NHSL1: variants seen among roughly 807,000 people sequenced by gnomAD.
The protein encoded by NHSL1 is NHS-like protein 1.
NHSL1 carries 48 observed loss-of-function variants against 95.0 expected under a neutral mutation model. The ratio of observed to expected loss-of-function variants is 0.51; its 90% CI spans 0.40 to 0.64. NHSL1 has a LOEUF of 0.64. Among genes scored for constraint, NHSL1 ranks in the 30% least tolerant of loss-of-function variants. The probability of loss-of-function intolerance (pLI) is 0.00; values close to 1 mark genes in which losing one functional copy is unlikely to be tolerated. For synonymous variants in NHSL1, 783 were observed against 833.9 expected (o/e 0.94, Z 1.05); for missense variants, 1,971 against 2,077.7 (o/e 0.95, Z 1.00).
Position 138,423,103 on chromosome 6 carries a change from A to AC in NHSL1, c.*977_*978insG, listed in dbSNP as rs1775017532. Reference sequence around the variant, plus strand: ...AAGTTTAAACTCTGGTTAAAAAAAAAAAAAAAAAAAAACTGTTGTAAAAGG... The same window carrying AC: ...AAGTTTAAACTCTGGTTAAAAAAAAACAAAAAAAAAAAACTGTTGTAAAAGG... On this transcript the variant is annotated 3_prime_UTR_variant, in exon 8 of 8. Coordinates refer to ENST00000343505, the MANE Select transcript of NHSL1 (RefSeq NM_001144060.2). 1 of 151,584 alleles carries AC rather than the reference A, an allele frequency of 6.6e-6. No homozygotes were observed. The highest frequency in any genetic ancestry group is 2.1e-4 in the South Asian group (1 of 4,814). The allele number at this position is 151,584 out of a possible 1,614,324, so 9.4% of individuals were successfully genotyped here. A position where few individuals can be genotyped will look rare whatever the true frequency, so the allele number is the denominator to read the frequency against.
chr6:138,553,414 C>T (rs911474525), intron 1 of NHSL1, among the ~76,000 whole-genome samples: 7 of 152,200 alleles, frequency 4.6e-5, no homozygotes, highest in African/African-American at 7.2e-5. Context: ...ACTTCATTCA[C>T]GTGGCTGGCA....
At chr6:138,656,733 G>T (rs1394661686) in intron 1 of NHSL1, among the ~76,000 whole-genome samples, 2 of 152,152 alleles carry the variant, frequency 1.3e-5, no homozygotes, top group African/African-American at 2.4e-5. Context: ...CCTGCCTCGG[G>T]TTTCTTAATA....
At chr6:138,674,094 A>G (rs1173120786) in intron 1 of NHSL1, among the ~76,000 whole-genome samples, 1 of 152,282 alleles carries the variant, frequency 6.6e-6, no homozygotes, top group African/African-American at 2.4e-5. Context: ...AAAACTACAT[A>G]TACATGAAAA....
chr6:138,656,368 G>A (rs1383630067), intron 1 of NHSL1, among the ~76,000 whole-genome samples: 2 of 152,076 alleles, frequency 1.3e-5, no homozygotes, highest in African/African-American at 2.4e-5. Flanking sequence ...GATTTTTCAG[G>A]TGCCTCGGTA....
rs116025683 is a variant in NHSL1, at chr6:138,612,715, C to T, written c.96+79761G>A. ...ACACACTGCCCTCTCAATCATCTTC[C>T]CTTTTAACTAACCTGACACAGTAGC... is the stretch of plus-strand genomic sequence containing the variant. On this transcript the variant is annotated intron_variant, in intron 1 of 3. Transcript: ENST00000491526. Among the ~76,000 whole-genome samples the T allele has an allele frequency of 9.9e-3, 1,504 of 152,278 alleles. 28 individuals carry two copies. The highest frequency in any genetic ancestry group is 0.033 in the African/African-American group (1,390 of 41,552).
chr6:138,453,237 G>C (rs1777357453), intron 3 of NHSL1, among the ~76,000 whole-genome samples: 1 of 152,176 alleles, frequency 6.6e-6, no homozygotes, highest in South Asian at 2.1e-4. Flanking sequence ...AGCCTCCAAA[G>C]TGTTGGGATT....
chr6:138,545,322 TTGA>T lies in NHSL1; in HGVS notation c.16+298_16+300del, dbSNP rs1314589829. On this transcript the variant is annotated intron_variant, in intron 1 of 4. Transcript: ENST00000342260. The stretch of plus-strand genomic sequence containing the variant: ...GTAAACTATTCCTATATTTATTGAG[TTGA>T]TTTTAAAAACCTTCTTTTAAACTTT... Among the ~76,000 whole-genome samples, 50 of 152,276 alleles carry T rather than the reference TTGA, an allele frequency of 3.3e-4. 2 individuals are homozygous for T. Among genetic ancestry groups the T allele is most frequent in the African/African-American group, 1.1e-3 (46 of 41,548 alleles).
chr6:138,548,264 G>A (rs138041876), upstream of NHSL1, among the ~76,000 whole-genome samples: 177 of 152,266 alleles, frequency 1.2e-3, no homozygotes, highest in African/African-American at 4.0e-3. Flanking sequence ...GATTACAGGC[G>A]TGAGCCACTG....
At position 138,431,510 on chromosome 6, in the gene NHSL1, G is replaced by A. The variant is rs576710540; in HGVS notation, c.2835C>T (p.Asp945=). 102 of 1,550,948 alleles carry A rather than the reference G, an allele frequency of 6.6e-5. No individual in the cohort carries two copies. Among genetic ancestry groups the A allele is most frequent in the Non-Finnish European group, 8.7e-5 (100 of 1,146,680 alleles). The part of the protein sequence containing the change: ...VPSPPFPCPA[D]RSPFLPPPPP... ...GTGGGGGAGGAAGGAAAGGAGACCT[G>A]TCTGCAGGACAAGGGAATGGAGGAG... is the stretch of plus-strand genomic sequence containing the variant. Residue 945 remains aspartate, a synonymous_variant, in exon 6 of 8, where the codon GAC becomes GAT. Coordinates refer to ENST00000343505, the MANE Select transcript of NHSL1 (RefSeq NM_001144060.2). This position sits in a 1 kb window ranked among gnomAD's most constrained non-coding sequence, Gnocchi z 4.0.
intron 1 of NHSL1, among the ~76,000 whole-genome samples, chr6:138,541,299 G>A (rs569632670): frequency 6.6e-6 from 1 of 152,202 alleles, no homozygotes; most frequent in Admixed American, 6.5e-5. Flanking sequence ...CCCAGGAGGC[G>A]GAGGTTGCAG....
At chr6:138,599,443 C>CT (rs1256139530) in intron 1 of NHSL1, among the ~76,000 whole-genome samples, 9 of 152,066 alleles carry the variant, frequency 5.9e-5, no homozygotes, top group Admixed American at 4.6e-4. Context: ...ATGCAGGAGA[C>CT]TGAGGCTGCA....
chr6:138,556,391 T>C (rs1449614867), intron 1 of NHSL1, among the ~76,000 whole-genome samples: 1 of 152,164 alleles, frequency 6.6e-6, no homozygotes, highest in African/African-American at 2.4e-5. Context: ...ACAATGCTTC[T>C]GTCATTGTTA....
upstream of NHSL1, among the ~76,000 whole-genome samples, chr6:138,503,323 C>A (rs1780785809): frequency 6.6e-6 from 1 of 152,134 alleles, no homozygotes; most frequent in Non-Finnish European, 1.5e-5. Flanking sequence ...AGTCCTTAAG[C>A]CTTTGTCCTA....
chr6:138,442,090 C>G lies in NHSL1; in HGVS notation c.557G>C (p.Ser186Thr), dbSNP rs1004299496. ...ITGENFDRQA[S>T]LRRSLIYTDT... Reference sequence around the variant, plus strand: ...TGTGTAAATTAGAGACCGCCGAAGGCTGGCCTGGCGATCGAAATTCTCCCC... The same window carrying G: ...TGTGTAAATTAGAGACCGCCGAAGGGTGGCCTGGCGATCGAAATTCTCCCC... The change falls in exon 5 of 8, where the codon AGC (serine) becomes ACC (threonine). Residue 186 changes from serine (S) to threonine (T), a missense_variant. Ser to Thr is a moderately conservative substitution (Grantham distance 58, BLOSUM62 1). Coordinates refer to ENST00000343505, the MANE Select transcript of NHSL1 (RefSeq NM_001144060.2). 1 of 1,550,224 alleles carries G rather than the reference C, an allele frequency of 6.5e-7. No individual in the cohort carries two copies. The highest frequency in any genetic ancestry group is 8.7e-7 in the Non-Finnish European group (1 of 1,146,560).
Position 138,490,851 on chromosome 6 carries a change from A to C in NHSL1, c.211+5368T>G, listed in dbSNP as rs12661058. ...GTTTCACCATGTTGGCCAGGATGGT[A>C]TCTATCTCCTGACCTCGTGATCCGC... On this transcript the variant is annotated intron_variant, in intron 2 of 7. Transcript: ENST00000343505. Among the ~76,000 whole-genome samples, 1,511 of 152,180 alleles carry C rather than the reference A, an allele frequency of 9.9e-3. 16 individuals carry two copies. The highest frequency in any genetic ancestry group is 0.037 in the East Asian group (191 of 5,172).
At chr6:138,454,204 C>T (rs4896358) in intron 3 of NHSL1, among the ~76,000 whole-genome samples, 49,834 of 151,532 alleles carry the variant, frequency 0.33, 10,474 homozygotes, top group African/African-American at 0.58. Flanking sequence ...TGTGTGTGTG[C>T]GTGCGTGCAT....
chr6:138,582,953 G>A (rs1211353449), intron 1 of NHSL1, among the ~76,000 whole-genome samples: 13 of 152,224 alleles, frequency 8.5e-5, no homozygotes, highest in Non-Finnish European at 1.8e-4. Context: ...GCTTAAAGCA[G>A]TCATCAGTTA....
chr6:138,653,321 C>T (rs1471825631), intron 1 of NHSL1, among the ~76,000 whole-genome samples: 1 of 151,992 alleles, frequency 6.6e-6, no homozygotes. Flanking sequence ...TTTGGGAGGC[C>T]GAGGAGGGTG....
intron 1 of NHSL1, among the ~76,000 whole-genome samples, chr6:138,639,985 T>C (rs1221895496): frequency 1.3e-5 from 2 of 151,584 alleles, no homozygotes; most frequent in Admixed American, 6.6e-5. Flanking sequence ...ATTCTCATCA[T>C]CGTATTGCAC....
Sources: allele counts gnomAD v4.1 joint callset (sites outside exome capture counted in the v4.1 genomes callset), GRCh38; gene constraint gnomAD v4.1.1; non-coding constraint Gnocchi (gnomAD v3.1); transcripts MANE v1.5; gene names NCBI Gene and HGNC (gene_info 2026-07-23, HGNC 2026-07-21).